Variants in CNTN5 observed in about 807,000 individuals in gnomAD.
CNTN5 encodes contactin-5.
A neutral mutation model predicts 129.1 loss-of-function variants in CNTN5; 77 were observed. That is an observed-to-expected ratio of 0.60 (90% CI 0.50 to 0.72). The LOEUF (loss-of-function observed/expected upper bound fraction) is 0.72. Among genes scored for constraint, CNTN5 ranks in the 30% least tolerant of loss-of-function variants. CNTN5 has a pLI of 0.00. For missense variants in CNTN5, 1,478 were observed against 1,328.8 expected, an observed-to-expected ratio of 1.11 and a Z score of -1.75; for synonymous variants, 509 against 465.6, an observed-to-expected ratio of 1.09 and a Z score of -1.20.
chr11:99,766,621 A>G (rs565987960), intron 3 of CNTN5, among the ~76,000 whole-genome samples: 8 of 152,190 alleles, frequency 5.3e-5, no homozygotes, highest in African/African-American at 1.7e-4. Flanking sequence ...GCCAAACGTC[A>G]TTCCATATTT....
intron 3 of CNTN5, among the ~76,000 whole-genome samples, chr11:99,817,354 G>C (rs1248743536): frequency 1.3e-5 from 2 of 152,164 alleles, no homozygotes; most frequent in Non-Finnish European, 2.9e-5. Context: ...GGCGTAGTGC[G>C]CTTAGCCAAA....
chr11:99,515,927 A>G lies in CNTN5; in HGVS notation c.-70-40218A>G, dbSNP rs138135163. Among the ~76,000 whole-genome samples the G allele has an allele frequency of 4.9e-3, 729 of 147,406 alleles. 6 individuals are homozygous for G. Among genetic ancestry groups the G allele is most frequent in the African/African-American group, 0.017 (676 of 40,222 alleles). ...ACATTGTAGAGAGTCATACACTTAA[A>G]TGTTTATTTATATAATTTTATGAAA... On this transcript the variant is annotated intron_variant, in intron 2 of 24. Transcript: ENST00000524871.
rs548369420 is a variant in CNTN5 at position 99,376,929 on chromosome 11, T to C, written c.-71+51445T>C. Among the ~76,000 whole-genome samples the C allele has an allele frequency of 1.4e-4, 22 of 152,322 alleles. No homozygotes were observed. In the South Asian group the frequency reaches 4.6e-3, roughly 32 times the overall value. On this transcript the variant is annotated intron_variant, in intron 2 of 24. Coordinates refer to ENST00000524871, the MANE Select transcript of CNTN5 (RefSeq NM_014361.4). ...AACAGAATTCGATTTATTAACTTTTTGCAGGAAGAGAGACAATACACCATT... is the reference window on the plus strand; with the variant it reads ...AACAGAATTCGATTTATTAACTTTTCGCAGGAAGAGAGACAATACACCATT...
At chr11:99,691,990 T>A (rs929122816) in intron 3 of CNTN5, among the ~76,000 whole-genome samples, 2 of 152,132 alleles carry the variant, frequency 1.3e-5, no homozygotes, top group African/African-American at 4.8e-5. Context: ...CTTTACCATT[T>A]GTAATGCCCT....
At chr11:99,632,357 T>A (rs74511007) in intron 3 of CNTN5, among the ~76,000 whole-genome samples, 8 of 152,068 alleles carry the variant, frequency 5.3e-5, no homozygotes, top group African/African-American at 1.7e-4. Context: ...ACTAGAGTTC[T>A]GTGATTATGC....
At chr11:99,732,179 G>T (rs574937539) in intron 3 of CNTN5, among the ~76,000 whole-genome samples, 4 of 152,100 alleles carry the variant, frequency 2.6e-5, no homozygotes, top group African/African-American at 9.7e-5. Context: ...GTTGTTAGAC[G>T]CAGAGCCAAG....
chr11:100,184,288 G>A (rs549678637), intron 13 of CNTN5, among the ~76,000 whole-genome samples: 1 of 152,250 alleles, frequency 6.6e-6, no homozygotes, highest in South Asian at 2.1e-4. Flanking sequence ...CATTTAGGAA[G>A]GAGATTAAGA....
chr11:99,056,074 C>T (rs1478749356), intron 1 of CNTN5, among the ~76,000 whole-genome samples: 5 of 151,896 alleles, frequency 3.3e-5, no homozygotes, highest in South Asian at 4.2e-4. Flanking sequence ...TGGATATGGG[C>T]GGCTGTTTCA....
At position 99,866,294 on chromosome 11, in the gene CNTN5, A is replaced by G. The variant is rs189857786; in HGVS notation, c.577+21032A>G. ...TCAGTAGTTATTTTGAACATTTTCT[A>G]AGGTACAGAATAGTGGTAACTTCTC... On this transcript the variant is annotated intron_variant, in intron 6 of 24. Transcript: ENST00000524871. Among the ~76,000 whole-genome samples, 1,070 of 152,288 alleles carry G rather than the reference A, an allele frequency of 7.0e-3. 11 individuals are homozygous for G. Among genetic ancestry groups the G allele is most frequent in the African/African-American group, 0.024 (1,000 of 41,576 alleles).
chr11:99,382,718 G>A (rs888224187), intron 2 of CNTN5, among the ~76,000 whole-genome samples: 4 of 151,848 alleles, frequency 2.6e-5, no homozygotes, highest in Non-Finnish European at 4.4e-5. Flanking sequence ...TTTCTTCACT[G>A]TCCTTTAATG....
At chr11:99,824,101 T>A (rs1946881110) in intron 4 of CNTN5, among the ~76,000 whole-genome samples, 1 of 152,086 alleles carries the variant, frequency 6.6e-6, no homozygotes, top group Non-Finnish European at 1.5e-5. Flanking sequence ...AATTTTACAT[T>A]GTTACATGTC....
At chr11:100,254,463 G>T (rs1453816759) in intron 16 of CNTN5, among the ~76,000 whole-genome samples, 1 of 152,032 alleles carries the variant, frequency 6.6e-6, no homozygotes, top group Non-Finnish European at 1.5e-5. Flanking sequence ...TCTTCTCAAG[G>T]TTGCCCTCTA....
At chr11:99,359,565 A>G (rs999701151) in intron 2 of CNTN5, among the ~76,000 whole-genome samples, 3 of 150,568 alleles carry the variant, frequency 2.0e-5, no homozygotes, top group Non-Finnish European at 4.4e-5. Flanking sequence ...CCTTATTTAT[A>G]TATGTAAATT....
At chr11:99,449,686 C>A (rs1944218665) in intron 2 of CNTN5, among the ~76,000 whole-genome samples, 1 of 152,150 alleles carries the variant, frequency 6.6e-6, no homozygotes, top group African/African-American at 2.4e-5. Flanking sequence ...GGAACTGGTT[C>A]AACTTGGACA....
chr11:100,222,939 A>G (rs1328944668), intron 15 of CNTN5, among the ~76,000 whole-genome samples: 1 of 152,156 alleles, frequency 6.6e-6, no homozygotes, highest in Non-Finnish European at 1.5e-5. Flanking sequence ...GTATTAAATT[A>G]TATTGATTTG....
At chr11:100,290,310 G>A (rs10894718) in intron 18 of CNTN5, among the ~76,000 whole-genome samples, 66,669 of 151,796 alleles carry the variant, frequency 0.44, 15,468 homozygotes, top group Non-Finnish European at 0.53. Flanking sequence ...TCAATCCTAA[G>A]CCAAAAGAAC....
chr11:99,575,769 G>T (rs1209707542), intron 3 of CNTN5, among the ~76,000 whole-genome samples: 1 of 152,168 alleles, frequency 6.6e-6, no homozygotes, highest in Non-Finnish European at 1.5e-5. Context: ...TCTAGCCAAT[G>T]CCACCAGACA....
chr11:99,947,113 A>C (rs1177920701), intron 7 of CNTN5, among the ~76,000 whole-genome samples: 1 of 151,776 alleles, frequency 6.6e-6, no homozygotes, highest in Admixed American at 6.6e-5. Flanking sequence ...AAACTATGTG[A>C]TTTTACAGAG....
At chr11:99,143,953 T>G (rs1012513435) in intron 1 of CNTN5, among the ~76,000 whole-genome samples, 1 of 152,166 alleles carries the variant, frequency 6.6e-6, no homozygotes, top group Non-Finnish European at 1.5e-5. Context: ...AGATAATACC[T>G]TAGAGATGAC....
Sources: allele counts gnomAD v4.1 joint callset (sites outside exome capture counted in the v4.1 genomes callset), GRCh38; gene constraint gnomAD v4.1.1; transcripts MANE v1.5; gene names NCBI Gene and HGNC (gene_info 2026-07-23, HGNC 2026-07-21).